The following CHD6 variants were observed in gnomAD, a reference collection of about 807,000 sequenced individuals.
CHD6 encodes chromodomain helicase DNA binding protein 6.
CHD6 carries 50 observed loss-of-function variants against 276.9 expected under a neutral mutation model. The ratio of observed to expected loss-of-function variants is 0.18; its 90% confidence interval spans 0.14 to 0.23. CHD6 has a LOEUF of 0.23. Among genes scored for constraint, CHD6 ranks in the 10% least tolerant of loss-of-function variants. The probability of loss-of-function intolerance (pLI) is 1.00; values close to 1 mark genes in which losing one functional copy is unlikely to be tolerated. For missense variants in CHD6, 2,564 were observed against 3,365.8 expected (o/e 0.76, Z 5.89); for synonymous variants, 1,173 against 1,229.3 (o/e 0.95, Z 0.96).
At chr20:41,572,869 A>G (rs776898073) in intron 1 of CHD6, among the ~76,000 whole-genome samples, 1 of 152,198 alleles carries the variant, frequency 6.6e-6, no homozygotes, top group Non-Finnish European at 1.5e-5. Context: ...AATAACTAGG[A>G]GAGCTTAGAT....
chr20:41,547,721 C>A (rs912515401), intron 2 of CHD6: 5 of 596,050 alleles, frequency 8.4e-6, no homozygotes, highest in Admixed American at 1.9e-5. Flanking sequence ...ACATTAAACA[C>A]AGTGGAATTA....
intron 5 of CHD6, among the ~76,000 whole-genome samples, chr20:41,500,944 T>C (rs1280752937): frequency 6.6e-6 from 1 of 152,166 alleles, no homozygotes; most frequent in African/African-American, 2.4e-5. Flanking sequence ...CCCATCTCCA[T>C]ACACTCAGAC....
intron 1 of CHD6, among the ~76,000 whole-genome samples, chr20:41,567,810 G>C (rs958816938): frequency 6.6e-6 from 1 of 152,134 alleles, no homozygotes; most frequent in African/African-American, 2.4e-5. Context: ...GACCTTGCTG[G>C]ATGTGGACTC....
intron 1 of CHD6, among the ~76,000 whole-genome samples, chr20:41,597,696 T>C (rs949412667): frequency 2.0e-5 from 3 of 151,950 alleles, no homozygotes; most frequent in African/African-American, 7.3e-5. Context: ...CAGAGTAATG[T>C]TAAAGAAAAA....
At position 41,517,630 on chromosome 20, in the gene CHD6, CAT is replaced by C. The variant is rs556804677; in HGVS notation, c.555-2680_555-2679del. Among the ~76,000 whole-genome samples, 122 of 152,326 alleles carry C rather than the reference CAT, an allele frequency of 8.0e-4. 1 individual carries two copies. Among genetic ancestry groups the C allele is most frequent in the African/African-American group, 2.7e-3 (111 of 41,584 alleles). On this transcript the variant is annotated intron_variant, in intron 3 of 36. Transcript: ENST00000373233. The stretch of plus-strand genomic sequence containing the variant: ...AGTTTTAAAAGATGCTAAATTTTCA[CAT>C]GAGTCTTTATCTCATGTTATGTGGC...
In CHD6 at chr20:41,488,440, C is replaced by T. The variant is rs1486522792; in HGVS notation, c.1845G>A (p.Lys615=). 6.2e-7 allele frequency: 1 copy of T among 1,613,198 alleles called. No homozygotes were observed. The highest frequency in any genetic ancestry group is 1.1e-5 in the South Asian group (1 of 90,972). ...NRNCKLLEGL[K]LMALEHKVLL... Reference sequence around the variant, plus strand: ...TGCTAACTCTCACCAGGGCCATAAGCTTTAGACCCTCCAGAAGTTTGCAGT... The same window carrying T: ...TGCTAACTCTCACCAGGGCCATAAGTTTTAGACCCTCCAGAAGTTTGCAGT... The change falls in exon 13 of 37, where the codon AAG becomes AAA. Residue 615 remains lysine (K), a synonymous_variant. Coordinates refer to ENST00000373233, the MANE Select transcript of CHD6 (RefSeq NM_032221.5).
intron 3 of CHD6, among the ~76,000 whole-genome samples, chr20:41,518,431 T>C (rs1235165338): frequency 6.6e-6 from 1 of 152,156 alleles, no homozygotes; most frequent in Non-Finnish European, 1.5e-5. Flanking sequence ...TGTGTGCATT[T>C]TGAGCAACAT....
Position 41,420,629 on chromosome 20 carries a change from T to C in CHD6, c.6006A>G (p.Glu2002=). 1 of 1,614,250 alleles carries C rather than the reference T, an allele frequency of 6.2e-7. No homozygotes were observed. The highest frequency in any genetic ancestry group is 8.5e-7 in the Non-Finnish European group (1 of 1,180,036). Residue 2002 remains glutamate (E), a synonymous_variant, in exon 31 of 37, where the codon GAA becomes GAG. Coordinates refer to ENST00000373233, the MANE Select transcript of CHD6 (RefSeq NM_032221.5). ...KHELLKEPWK[E]SAEGQNVFPT... ...GGAAAACGTTTTGCCCCTCTGCACT[T>C]TCTTTCCAAGGTTCTTTTAAAAGCT...
intron 16 of CHD6, 132 bp downstream of exon 16, chr20:41,483,177 C>A: frequency 1.3e-6 from 1 of 776,412 alleles, no homozygotes; most frequent in South Asian, 2.1e-5. Flanking sequence ...TTCAGTCTAT[C>A]TTTAAAAGGA....
At chr20:41,442,368 C>A (rs571626626) in intron 25 of CHD6, among the ~76,000 whole-genome samples, 1 of 152,280 alleles carries the variant, frequency 6.6e-6, no homozygotes, top group Admixed American at 6.5e-5. Context: ...GGACAGATCA[C>A]CTGAACCTGG....
At chr20:41,553,534 A>G (rs1477095078) in intron 1 of CHD6, among the ~76,000 whole-genome samples, 1 of 152,222 alleles carries the variant, frequency 6.6e-6, no homozygotes, top group Non-Finnish European at 1.5e-5. Flanking sequence ...CCTATTTAGG[A>G]AAGTTTTAGG....
intron 36 of CHD6, among the ~76,000 whole-genome samples, chr20:41,409,272 C>T (rs1006096671): frequency 2.0e-5 from 3 of 152,178 alleles, no homozygotes; most frequent in Non-Finnish European, 2.9e-5. Context: ...CCACACACAG[C>T]GGCCAGGCGG....
At chr20:41,481,857 T>A (rs1019186170) in intron 16 of CHD6, among the ~76,000 whole-genome samples, 3 of 151,686 alleles carry the variant, frequency 2.0e-5, no homozygotes, top group Non-Finnish European at 4.4e-5. Flanking sequence ...AAATAAAAAA[T>A]AAGAGTTACA....
At chr20:41,574,013 C>T (rs191543473) in intron 1 of CHD6, among the ~76,000 whole-genome samples, 2 of 152,268 alleles carry the variant, frequency 1.3e-5, no homozygotes, top group East Asian at 1.9e-4. Flanking sequence ...AAGGACCCAT[C>T]ACTCAATGTT....
chr20:41,493,045 A>T (rs981229027), intron 10 of CHD6, among the ~76,000 whole-genome samples: 1 of 152,218 alleles, frequency 6.6e-6, no homozygotes, highest in Non-Finnish European at 1.5e-5. Flanking sequence ...CAGAAAAACA[A>T]ATAAATTCAA....
chr20:41,451,126 A>C, intron 22 of CHD6, 21 bp from the exon 23 acceptor site: 1 of 1,609,814 alleles, frequency 6.2e-7, no homozygotes, highest in Non-Finnish European at 8.5e-7. Flanking sequence ...AAGACAGCAT[A>C]GGGCAAGTGG....
At chr20:41,578,114 CAAAT>C (rs1175872525) in intron 1 of CHD6, among the ~76,000 whole-genome samples, 1 of 151,590 alleles carries the variant, frequency 6.6e-6, no homozygotes, top group African/African-American at 2.4e-5. Context: ...ACTCCTCAAC[CAAAT>C]AAACTTTAGA....
At position 41,563,190 on chromosome 20, in the gene CHD6, A is replaced by C. The variant is rs548176231; in HGVS notation, c.-23-11830T>G. ...CTGTGAGGAGATGGCAAAAGCCAGTAGTAGAAGTGACAACAACCTCCTAAG... is the reference window on the plus strand; with the variant it reads ...CTGTGAGGAGATGGCAAAAGCCAGTCGTAGAAGTGACAACAACCTCCTAAG... On this transcript the variant is annotated intron_variant, in intron 1 of 36. Transcript: ENST00000373233. 3.7e-4 allele frequency among the ~76,000 whole-genome samples: 56 copies of C among 152,350 alleles called. No homozygotes were observed. In the Middle Eastern group the frequency reaches 0.01, roughly 28 times the overall value.
intron 1 of CHD6, among the ~76,000 whole-genome samples, chr20:41,580,127 T>C (rs2045520543): frequency 6.6e-6 from 1 of 152,212 alleles, no homozygotes; most frequent in African/African-American, 2.4e-5. Flanking sequence ...ACTACATGTA[T>C]AGAAGATGGC....
Sources: allele counts gnomAD v4.1 joint callset (sites outside exome capture counted in the v4.1 genomes callset), GRCh38; gene constraint gnomAD v4.1.1; transcripts MANE v1.5; gene names NCBI Gene and HGNC (gene_info 2026-07-23, HGNC 2026-07-21).